Variants in SMAD4 observed in about 807,000 individuals in gnomAD.
SMAD4 encodes the protein SMAD family member 4, also known as MAD homolog 4.
Under a neutral mutation model 63.2 loss-of-function variants are expected in SMAD4, and 7 were observed. The observed-to-expected ratio is 0.11, with a 90% CI of 0.06 to 0.21. SMAD4 has a LOEUF of 0.21. Among genes scored for constraint, SMAD4 ranks in the 10% least tolerant of loss-of-function variants. The probability of loss-of-function intolerance (pLI) is 1.00; values close to 1 mark genes in which losing one functional copy is unlikely to be tolerated. For missense variants in SMAD4, 312 were observed against 693.8 expected, an observed-to-expected ratio of 0.45 and a Z score of 6.18; for synonymous variants, 215 against 235.4, an observed-to-expected ratio of 0.91 and a Z score of 0.79.
At position 51,067,221 on chromosome 18, in the gene SMAD4, T is replaced by C. The variant is rs1222272867; in HGVS notation, c.1308+34T>C. On this transcript the variant is annotated intron_variant, in intron 10 of 11. Coordinates refer to ENST00000342988, the MANE Select transcript of SMAD4 (RefSeq NM_005359.6). ...CAATTTTATTTGAATATTTTAGACT[T>C]AAAGCTCTATTTGTTGTCAAAAGAA... The C allele has an allele frequency of 2.5e-6, 3 of 1,203,948 alleles. No individual in the cohort carries two copies. In the East Asian group the frequency reaches 7.0e-5, roughly 28 times the overall value. 74.6% of individuals were successfully genotyped at this position (1,203,948 alleles called of 1,614,324 possible).
chr18:51,059,530 A>T (rs1433911872), intron 7 of SMAD4, among the ~76,000 whole-genome samples: 1 of 152,256 alleles, frequency 6.6e-6, no homozygotes, highest in Non-Finnish European at 1.5e-5. Flanking sequence ...ACAGTTTATT[A>T]TTATACATTG....
intron 8 of SMAD4, among the ~76,000 whole-genome samples, chr18:51,062,392 C>G (rs955561009): frequency 6.6e-6 from 1 of 152,132 alleles, no homozygotes; most frequent in Non-Finnish European, 1.5e-5. Context: ...ACCCTCCTAC[C>G]CCATGAATTT....
chr18:51,052,047 G>A (rs1909727652), intron 4 of SMAD4, among the ~76,000 whole-genome samples: 1 of 151,868 alleles, frequency 6.6e-6, no homozygotes, highest in Non-Finnish European at 1.5e-5. Flanking sequence ...CCTGACCTCA[G>A]GCGATCCACC....
Position 51,066,946 on chromosome 18 carries a change from C to T in SMAD4, c.1140-73C>T, listed in dbSNP as rs905939798. Reference sequence around the variant, plus strand: ...TTTTAATTTTTCAATATTAAGCATGCTATACAATCTGAACTAAAATTTAAT... The same window carrying T: ...TTTTAATTTTTCAATATTAAGCATGTTATACAATCTGAACTAAAATTTAAT... On this transcript the variant is annotated intron_variant, in intron 9 of 11. Transcript: ENST00000342988. 4.8e-5 allele frequency: 54 copies of T among 1,122,202 alleles called. No individual in the cohort carries two copies. In the East Asian group the frequency reaches 1.4e-3, roughly 28 times the overall value. The allele number at this position is 1,122,202 out of a possible 1,614,324, so 69.5% of individuals were successfully genotyped here. A position where few individuals can be genotyped will look rare whatever the true frequency, so the allele number is the denominator to read the frequency against.
At chr18:51,033,964 T>C (rs563101942) in intron 1 of SMAD4, among the ~76,000 whole-genome samples, 40 of 152,312 alleles carry the variant, frequency 2.6e-4, no homozygotes, top group Middle Eastern at 3.4e-3. Context: ...TACTGCAAAT[T>C]ATATTATAGA....
intron 1 of SMAD4, among the ~76,000 whole-genome samples, chr18:51,041,774 T>A (rs1909391934): frequency 6.6e-6 from 1 of 152,246 alleles, no homozygotes; most frequent in South Asian, 2.1e-4. Context: ...ATGACAGCAG[T>A]GCCCCCAGTT....
At chr18:51,037,796 T>G (rs1909247701) in intron 1 of SMAD4, among the ~76,000 whole-genome samples, 1 of 152,080 alleles carries the variant, frequency 6.6e-6, no homozygotes, top group Non-Finnish European at 1.5e-5. Context: ...TAGATTTGAG[T>G]ATTTGGCAGG....
intron 9 of SMAD4, 187 bp from the exon 10 acceptor site, chr18:51,066,832 G>C: frequency 1.7e-6 from 1 of 574,032 alleles, no homozygotes; most frequent in Non-Finnish European, 3.1e-6. Flanking sequence ...TTGTAAATAT[G>C]TGCATCATTA....
chr18:51,060,847 TG>T (rs1909991691), intron 8 of SMAD4, among the ~76,000 whole-genome samples: 1 of 152,134 alleles, frequency 6.6e-6, no homozygotes, highest in Admixed American at 6.5e-5. Flanking sequence ...TTGCCCAGGC[TG>T]GTCTCGAACT....
intron 1 of SMAD4, among the ~76,000 whole-genome samples, chr18:51,038,900 A>G (rs1236230526): frequency 6.6e-6 from 1 of 152,232 alleles, no homozygotes; most frequent in Non-Finnish European, 1.5e-5. Flanking sequence ...GAAGAGTATA[A>G]ATAAAGGTCC....
intron 8 of SMAD4, among the ~76,000 whole-genome samples, chr18:51,061,599 C>T (rs1036526431): frequency 9.9e-5 from 15 of 152,040 alleles, no homozygotes; most frequent in African/African-American, 3.1e-4. Context: ...TTAAGCATAC[C>T]GGAATAATAC....
At chr18:51,077,477 A>G (rs1910498913) in intron 11 of SMAD4, 1 of 567,034 alleles carries the variant, frequency 1.8e-6, no homozygotes, top group Non-Finnish European at 2.2e-6. Flanking sequence ...TCTCTACAGT[A>G]CATGCAAATT....
At chr18:51,037,474 T>C (rs960537632) in intron 1 of SMAD4, among the ~76,000 whole-genome samples, 2 of 152,236 alleles carry the variant, frequency 1.3e-5, no homozygotes, top group South Asian at 4.1e-4. Context: ...ACCAAACATA[T>C]GAGTCCTCAT....
chr18:51,077,332 T>A, intron 11 of SMAD4: 1 of 963,850 alleles, frequency 1.0e-6, no homozygotes, highest in Non-Finnish European at 1.2e-6. Context: ...TATAGACTTT[T>A]ATGATGGAAA....
intron 8 of SMAD4, among the ~76,000 whole-genome samples, chr18:51,064,844 A>G (rs1910106203): frequency 6.6e-6 from 1 of 152,222 alleles, no homozygotes; most frequent in Non-Finnish European, 1.5e-5. Context: ...CAACTGTGTG[A>G]TTAGAGTATA....
chr18:51,070,612 A>G (rs759820638), intron 10 of SMAD4, among the ~76,000 whole-genome samples: 18 of 152,326 alleles, frequency 1.2e-4, no homozygotes, highest in Admixed American at 2.0e-4. Flanking sequence ...TCCATGGTCA[A>G]CCACAGTCCA....
intron 8 of SMAD4, among the ~76,000 whole-genome samples, chr18:51,060,798 T>C (rs1909990040): frequency 1.3e-5 from 2 of 152,264 alleles, no homozygotes; most frequent in African/African-American, 4.8e-5. Flanking sequence ...CATGCCTGGC[T>C]AATGTTTGTA....
In SMAD4 at chr18:51,067,169, C is replaced by T. The variant is rs2144452826; in HGVS notation, c.1290C>T (p.Tyr430=). 6.3e-7 allele frequency: 1 copy of T among 1,589,430 alleles called. No individual in the cohort carries two copies. The highest frequency in any genetic ancestry group is 1.1e-5 in the South Asian group (1 of 90,504). Residue 430 remains tyrosine, a synonymous_variant, in exon 10 of 12, where the codon TAC becomes TAT. Transcript: ENST00000342988. ...RAPGDAVHKI[Y]PSAYIKVFDL... ...CTGGAGATGCTGTTCATAAGATCTA[C>T]CCAAGTGCATATATAAAGGTTAGTT...
intron 4 of SMAD4, among the ~76,000 whole-genome samples, chr18:51,050,061 T>C (rs1176235364): frequency 3.9e-5 from 6 of 152,114 alleles, no homozygotes; most frequent in South Asian, 2.1e-4. Context: ...GAAACTCTTA[T>C]AAAGAACCAC....
Sources: gnomAD v4.1 joint callset for allele counts (sites outside exome capture counted in the v4.1 genomes callset) on GRCh38, gnomAD v4.1.1 for gene constraint, MANE v1.5 for transcripts, NCBI Gene and HGNC (gene_info 2026-07-23, HGNC 2026-07-21) for gene names.